Variants in HDAC9 observed in about 807,000 individuals in gnomAD.
HDAC9 encodes MEF-2 interacting transcription repressor (MITR) protein.
A neutral mutation model predicts 139.4 loss-of-function variants in HDAC9; 41 were observed. That is an observed-to-expected ratio of 0.29 (90% CI 0.23 to 0.38). The LOEUF is 0.38. Among genes scored for constraint, HDAC9 ranks in the 10% least tolerant of loss-of-function variants. HDAC9 has a pLI of 1.00. For synonymous variants in HDAC9, 517 were observed against 476.2 expected (o/e 1.09, Z -1.12); for missense variants, 1,147 against 1,297.0 (o/e 0.88, Z 1.78).
chr7:18,208,526 C>T (rs905141043), intron 2 of HDAC9, among the ~76,000 whole-genome samples: 5 of 152,122 alleles, frequency 3.3e-5, no homozygotes, highest in African/African-American at 1.2e-4. Context: ...CAGGTTCGCA[C>T]CACCACACCT....
chr7:18,616,470 A>C (rs1562591150), intron 6 of HDAC9, among the ~76,000 whole-genome samples: 2 of 152,182 alleles, frequency 1.3e-5, no homozygotes, highest in South Asian at 2.1e-4. Flanking sequence ...GATTCAGGGG[A>C]GGCCTGAATG....
chr7:18,233,677 G>T (rs1368883053), intron 2 of HDAC9, among the ~76,000 whole-genome samples: 1 of 152,158 alleles, frequency 6.6e-6, no homozygotes, highest in Non-Finnish European at 1.5e-5. Context: ...TCTATAGCCT[G>T]TAGGGGAACG....
In HDAC9 at chr7:18,409,811, C is replaced by G. The variant is rs114782892; in HGVS notation, c.-41-86451C>G. The stretch of plus-strand genomic sequence containing the variant: ...TATTTTCTTATATTTTACATGTAAT[C>G]TTAGGATGGAAAGCTCCTCAAATAT... On this transcript the variant is annotated intron_variant, in intron 1 of 3. Coordinates refer to the HDAC9 transcript ENST00000413509. 5.5e-3 allele frequency among the ~76,000 whole-genome samples: 833 copies of G among 152,168 alleles called. 8 individuals are homozygous for G. The highest frequency in any genetic ancestry group is 0.019 in the African/African-American group (804 of 41,510).
At chr7:18,550,706 G>A (rs1816825407) in intron 2 of HDAC9, among the ~76,000 whole-genome samples, 2 of 152,170 alleles carry the variant, frequency 1.3e-5, no homozygotes, top group African/African-American at 2.4e-5. Flanking sequence ...AGAATAGCAA[G>A]GCCAAAGGCA....
chr7:18,835,727 C>A (rs918982159), intron 20 of HDAC9, 141 bp downstream of exon 20: 5 of 1,204,532 alleles, frequency 4.2e-6, no homozygotes, highest in Admixed American at 1.8e-5. Flanking sequence ...GACCAAGAAC[C>A]AGTGCAGAAC....
chr7:18,691,475 T>C (rs941615702), intron 12 of HDAC9, among the ~76,000 whole-genome samples: 1 of 151,956 alleles, frequency 6.6e-6, no homozygotes, highest in Admixed American at 6.6e-5. Context: ...GATTTTTCCG[T>C]GGGCTGTTAA....
At chr7:18,348,392 C>T (rs1023156727) in intron 1 of HDAC9, among the ~76,000 whole-genome samples, 1 of 152,104 alleles carries the variant, frequency 6.6e-6, no homozygotes, top group Non-Finnish European at 1.5e-5. Flanking sequence ...TTTACCCTTT[C>T]TGAATCTCAG....
intron 22 of HDAC9, among the ~76,000 whole-genome samples, chr7:18,901,713 T>A (rs548773951): frequency 1.3e-3 from 204 of 152,364 alleles, no homozygotes; most frequent in African/African-American, 4.8e-3. Context: ...AAACATTTCC[T>A]GAACATCCAA....
chr7:18,300,516 T>G (rs1361720100), intron 1 of HDAC9, among the ~76,000 whole-genome samples: 1 of 151,378 alleles, frequency 6.6e-6, no homozygotes, highest in Non-Finnish European at 1.5e-5. Flanking sequence ...TCTCTGCATA[T>G]AAGTAAAAAA....
chr7:18,556,155 T>C (rs1208145201), intron 2 of HDAC9, among the ~76,000 whole-genome samples: 1 of 152,106 alleles, frequency 6.6e-6, no homozygotes, highest in Non-Finnish European at 1.5e-5. Flanking sequence ...CTGTGAATCA[T>C]GGCTGTATTT....
At chr7:18,602,831 T>C (rs1417711250) in intron 6 of HDAC9, among the ~76,000 whole-genome samples, 1 of 152,120 alleles carries the variant, frequency 6.6e-6, no homozygotes, top group Admixed American at 6.5e-5. Flanking sequence ...GTGTACACAT[T>C]CTGTTCCTTT....
chr7:18,230,200 C>T (rs1261261566), intron 2 of HDAC9, among the ~76,000 whole-genome samples: 1 of 152,108 alleles, frequency 6.6e-6, no homozygotes, highest in African/African-American at 2.4e-5. Context: ...AACTTAGGGG[C>T]TGATTTAAGA....
At chr7:18,761,691 A>C (rs1290349578) in intron 14 of HDAC9, among the ~76,000 whole-genome samples, 2 of 152,210 alleles carry the variant, frequency 1.3e-5, no homozygotes, top group Admixed American at 6.5e-5. Flanking sequence ...ACACATGGGA[A>C]GTCATTAGCG....
chr7:18,484,486 G>A (rs774106765), intron 1 of HDAC9, among the ~76,000 whole-genome samples: 1 of 152,066 alleles, frequency 6.6e-6, no homozygotes, highest in Non-Finnish European at 1.5e-5. Flanking sequence ...TGAGTGAAGT[G>A]CATATTTTAA....
At chr7:18,315,317 G>A (rs1799566187) in intron 1 of HDAC9, among the ~76,000 whole-genome samples, 1 of 152,108 alleles carries the variant, frequency 6.6e-6, no homozygotes, top group Non-Finnish European at 1.5e-5. Flanking sequence ...CTCATGAGGT[G>A]GGCATGTTAT....
intron 2 of HDAC9, among the ~76,000 whole-genome samples, chr7:18,250,932 G>A (rs1794878826): frequency 6.6e-6 from 1 of 151,992 alleles, no homozygotes; most frequent in Non-Finnish European, 1.5e-5. Flanking sequence ...TTTGAAAAGT[G>A]TCTGTTCATG....
At chr7:18,512,478 CTT>C (rs1490451936) in intron 2 of HDAC9, among the ~76,000 whole-genome samples, 4 of 152,058 alleles carry the variant, frequency 2.6e-5, no homozygotes, top group African/African-American at 9.7e-5. Flanking sequence ...TATAAGAAAA[CTT>C]GATCAGATTT....
intron 9 of HDAC9, 56 bp downstream of exon 9, chr7:18,644,849 G>T: frequency 6.5e-7 from 1 of 1,533,472 alleles, no homozygotes; most frequent in Non-Finnish European, 8.8e-7. Flanking sequence ...TTTTCACAGG[G>T]GAACTCTCTT....
intron 6 of HDAC9, among the ~76,000 whole-genome samples, chr7:18,609,664 G>C (rs1312240512): frequency 6.6e-6 from 1 of 151,936 alleles, no homozygotes; most frequent in Non-Finnish European, 1.5e-5. Flanking sequence ...AAGTTGTAGG[G>C]TACATGTGCA....
Sources: gnomAD v4.1 joint callset for allele counts (sites outside exome capture counted in the v4.1 genomes callset) on GRCh38, gnomAD v4.1.1 for gene constraint, MANE v1.5 for transcripts, NCBI Gene and HGNC (gene_info 2026-07-23, HGNC 2026-07-21) for gene names.